The following TJP1 variants were observed in gnomAD, a reference collection of about 807,000 sequenced individuals.
The protein encoded by TJP1 is tight junction protein 1.
TJP1 carries 43 observed loss-of-function variants against 194.2 expected under a neutral mutation model. The ratio of observed to expected loss-of-function variants is 0.22; its 90% CI spans 0.17 to 0.29. The LOEUF (loss-of-function observed/expected upper bound fraction) is 0.29, where lower values mean the gene tolerates loss of function less well. TJP1 is among the 10% of genes least tolerant of loss of function. The pLI is 1.00. For synonymous variants in TJP1, 801 were observed against 779.0 expected (o/e 1.03, Z -0.47); for missense variants, 1,971 against 2,185.7 (o/e 0.90, Z 1.96).
intron 2 of TJP1, among the ~76,000 whole-genome samples, chr15:29,877,783 C>A (rs549979991): frequency 6.6e-6 from 1 of 151,686 alleles, no homozygotes; most frequent in African/African-American, 2.4e-5. Flanking sequence ...CTCAGTCTCC[C>A]GAGTAGCTGG....
intron 1 of TJP1, among the ~76,000 whole-genome samples, chr15:29,966,257 C>A (rs568677892): frequency 6.6e-6 from 1 of 152,312 alleles, no homozygotes; most frequent in African/African-American, 2.4e-5. Flanking sequence ...AATCCCAGCA[C>A]TTTGGAAGGC....
intron 2 of TJP1, among the ~76,000 whole-genome samples, chr15:29,885,200 C>A (rs1229666388): frequency 6.6e-6 from 1 of 152,176 alleles, no homozygotes; most frequent in Admixed American, 6.5e-5. Context: ...AATCCTAACA[C>A]TCACCATTGA....
intron 2 of TJP1, among the ~76,000 whole-genome samples, chr15:29,938,747 T>G (rs949541735): frequency 1.3e-5 from 2 of 152,224 alleles, no homozygotes; most frequent in Non-Finnish European, 2.9e-5. Flanking sequence ...TTATCCCACT[T>G]TCATCTCCAC....
chr15:29,906,084 T>C (rs1288014878), intron 2 of TJP1, among the ~76,000 whole-genome samples: 1 of 152,146 alleles, frequency 6.6e-6, no homozygotes, highest in Non-Finnish European at 1.5e-5. Context: ...TGGATATTAA[T>C]AGTGAGGGAG....
intron 23 of TJP1, among the ~76,000 whole-genome samples, chr15:29,712,393 G>A (rs928595541): frequency 6.6e-6 from 1 of 152,214 alleles, no homozygotes; most frequent in African/African-American, 2.4e-5. Flanking sequence ...GTCATAGCTA[G>A]TGTAAGAGCC....
chr15:29,760,344 C>G (rs1595790105), intron 8 of TJP1: 1 of 677,466 alleles, frequency 1.5e-6, no homozygotes, highest in East Asian at 2.7e-5. Flanking sequence ...TCATATACTA[C>G]CAGTATACCA....
At chr15:29,708,204 A>AG (rs1454177578) in intron 25 of TJP1, among the ~76,000 whole-genome samples, 25 of 151,732 alleles carry the variant, frequency 1.6e-4, no homozygotes, top group Non-Finnish European at 4.4e-5. Flanking sequence ...CTCAAAAAAA[A>AG]AAAAAAAAAA....
At chr15:29,705,439 G>C (rs1422066912) in intron 26 of TJP1, 89 bp downstream of exon 26, 1 of 1,318,762 alleles carries the variant, frequency 7.6e-7, no homozygotes, top group Non-Finnish European at 1.1e-6. Context: ...GAGAGGTGCT[G>C]CATTATTAGC....
At chr15:29,828,921 T>G (rs933507766) in intron 2 of TJP1, among the ~76,000 whole-genome samples, 5 of 151,946 alleles carry the variant, frequency 3.3e-5, no homozygotes, top group African/African-American at 1.2e-4. Flanking sequence ...TGTTTGTTTG[T>G]TTGGTATTTT....
chr15:29,954,860 C>T (rs894440690), intron 2 of TJP1, among the ~76,000 whole-genome samples: 2 of 152,062 alleles, frequency 1.3e-5, no homozygotes, highest in African/African-American at 4.8e-5. Context: ...GCGGGTGGAT[C>T]ACAAGGTCAG....
chr15:29,924,094 T>C (rs2054451645), intron 2 of TJP1, among the ~76,000 whole-genome samples: 1 of 152,170 alleles, frequency 6.6e-6, no homozygotes, highest in Admixed American at 6.5e-5. Flanking sequence ...AATAAGGAAA[T>C]ACAAAAACTA....
At chr15:29,960,891 A>T (rs2056131080) in intron 1 of TJP1, among the ~76,000 whole-genome samples, 1 of 152,162 alleles carries the variant, frequency 6.6e-6, no homozygotes, top group Non-Finnish European at 1.5e-5. Context: ...GAAAAGAAAA[A>T]ACACTGATCT....
intron 2 of TJP1, among the ~76,000 whole-genome samples, chr15:29,943,167 G>C (rs962156560): frequency 6.6e-6 from 1 of 152,204 alleles, no homozygotes; most frequent in Non-Finnish European, 1.5e-5. Flanking sequence ...GTAAGAGAGA[G>C]AGCGGGTGGG....
chr15:29,762,838 A>T (rs1281952629), intron 5 of TJP1, among the ~76,000 whole-genome samples: 2 of 152,150 alleles, frequency 1.3e-5, no homozygotes, highest in East Asian at 3.9e-4. Context: ...GGGGCCAAAA[A>T]ACCCTCCTGC....
chr15:29,723,405 C>T (rs1306054445), intron 18 of TJP1, among the ~76,000 whole-genome samples: 1 of 152,162 alleles, frequency 6.6e-6, no homozygotes, highest in Non-Finnish European at 1.5e-5. Context: ...CTCTCTCTTC[C>T]TCCTGCTCCA....
intron 2 of TJP1, among the ~76,000 whole-genome samples, chr15:29,798,992 C>T (rs1433538771): frequency 1.3e-5 from 2 of 152,018 alleles, no homozygotes; most frequent in Admixed American, 6.5e-5. Context: ...GTTAAGTGGA[C>T]GTGAGGGGAC....
chr15:29,701,846 C>T (rs757862872), intron 27 of TJP1, among the ~76,000 whole-genome samples, 157 bp from the exon 28 acceptor site: 1 of 152,236 alleles, frequency 6.6e-6, no homozygotes, highest in Non-Finnish European at 1.5e-5. Context: ...TATTTCAAAG[C>T]AGATCTGCTG....
intron 2 of TJP1, among the ~76,000 whole-genome samples, chr15:29,909,902 G>A (rs1488234433): frequency 1.3e-5 from 2 of 152,068 alleles, no homozygotes; most frequent in East Asian, 3.9e-4. Context: ...AGGCAGAGGT[G>A]GGAAACCAAC....
chr15:29,710,962 A>C lies in TJP1; in HGVS notation c.4241T>G (p.Phe1414Cys). The C allele has an allele frequency of 6.2e-7, 1 of 1,614,092 alleles. No homozygotes were observed. The highest frequency in any genetic ancestry group is 8.5e-7 in the Non-Finnish European group (1 of 1,179,988). The change falls in exon 24 of 28, where the codon TTT (phenylalanine) becomes TGT (cysteine). Residue 1414 changes from phenylalanine (F) to cysteine (C), a missense_variant. Phe to Cys is a radical substitution (Grantham distance 205). Coordinates refer to ENST00000614355, the MANE Select transcript of TJP1 (RefSeq NM_001330239.4). ...GATGGGTTCATAGCGTTTCTCGCCA[A>C]ATGATCTATCCACACCATCAGCTTC... Reference protein sequence around the residue: ...PPEADGVDRSFGEKRYEPIQA... With the variant: ...PPEADGVDRSCGEKRYEPIQA...
Sources: gnomAD v4.1 joint callset for allele counts (sites outside exome capture counted in the v4.1 genomes callset) on GRCh38, gnomAD v4.1.1 for gene constraint, MANE v1.5 for transcripts, NCBI Gene and HGNC (gene_info 2026-07-23, HGNC 2026-07-21) for gene names.